The following GPI variants were observed in gnomAD, a reference collection of about 807,000 sequenced individuals.
GPI encodes the protein D-hexose-6-phosphate anomerase.
A neutral mutation model predicts 75.8 loss-of-function variants in GPI; 56 were observed. That is an observed-to-expected ratio of 0.74 (90% CI 0.60 to 0.92). GPI has a LOEUF of 0.92. GPI is among the 40% of genes least tolerant of loss of function. GPI has a pLI of 0.00. For synonymous variants in GPI, 288 were observed against 285.4 expected, an observed-to-expected ratio of 1.01 and a Z score of -0.09; for missense variants, 638 against 741.0, an observed-to-expected ratio of 0.86 and a Z score of 1.61.
At position 34,400,467 on chromosome 19, in the gene GPI, A is replaced by G. The variant is rs2075006489; in HGVS notation, c.*431A>G. On this transcript the variant is annotated 3_prime_UTR_variant, in exon 18 of 18. Transcript: ENST00000356487. ...TGGTGAGCGGGTCTAGAGTGGAGCA[A>G]GGTGCCCTGAGAAGACAATAGTGGG... The G allele has an allele frequency of 1.1e-5, 6 of 549,710 alleles. No individual in the cohort carries two copies. The highest frequency in any genetic ancestry group is 1.9e-5 in the Non-Finnish European group (6 of 314,134). The allele number at this position is 549,710 out of a possible 1,614,324, so 34.1% of individuals were successfully genotyped here. A position where few individuals can be genotyped will look rare whatever the true frequency, so the allele number is the denominator to read the frequency against.
Position 34,368,673 on chromosome 19 carries a change from G to T in GPI, c.373G>T (p.Val125Phe). The change falls in exon 4 of 18, where the codon GTT becomes TTT. Residue 125 changes from valine (V) to phenylalanine (F), a missense_variant. Physicochemically the swap from Val to Phe is conservative, Grantham distance 50. Transcript: ENST00000356487. ...GGATGTGATGCCAGAGGTCAACAAG[G>T]TTCTGGACAAGATGAAGTCTTTCTG... is the stretch of plus-strand genomic sequence containing the variant. ...GKDVMPEVNK[V>F]LDKMKSFCQR... is the part of the protein sequence containing the mutation. 2 of 1,614,200 alleles carry T rather than the reference G, an allele frequency of 1.2e-6. No individual in the cohort carries two copies. The highest frequency in any genetic ancestry group is 1.7e-6 in the Non-Finnish European group (2 of 1,180,034).
intron 9 of GPI, among the ~76,000 whole-genome samples, chr19:34,382,285 C>T (rs1214021259): frequency 6.6e-6 from 1 of 152,196 alleles, no homozygotes; most frequent in Non-Finnish European, 1.5e-5. Flanking sequence ...GTGGTTTTCC[C>T]ACCTGGGGCT....
chr19:34,375,317 AT>A (rs879659233), intron 4 of GPI, among the ~76,000 whole-genome samples: 196 of 143,148 alleles, frequency 1.4e-3, no homozygotes, highest in Admixed American at 1.5e-3. Flanking sequence ...TAATTTTTGT[AT>A]TTTTTTTTTT....
At position 34,399,572 on chromosome 19, in the gene GPI, G is replaced by A. The variant is rs148811525; in HGVS notation, c.1415G>A (p.Arg472His). 8 of 1,613,952 alleles carry A rather than the reference G, an allele frequency of 5.0e-6. No individual in the cohort carries two copies. The highest frequency in any genetic ancestry group is 2.7e-5 in the African/African-American group (2 of 74,900). ...LLPHKVFEGNRPTNSIVFTKL... is the reference protein window; with the variant it reads ...LLPHKVFEGNHPTNSIVFTKL... The stretch of plus-strand genomic sequence containing the variant: ...TTTCTGCAGGTCTTTGAAGGAAATC[G>A]CCCAACCAACTCTATTGTGTTCACC... Residue 472 changes from arginine (R) to histidine (H), a missense_variant, in exon 16 of 18, where the codon CGC becomes CAC. Arg to His is a conservative substitution (Grantham distance 29). Coordinates refer to ENST00000356487, the MANE Select transcript of GPI (RefSeq NM_000175.5).
intron 3 of GPI, among the ~76,000 whole-genome samples, chr19:34,367,846 A>G (rs1209272393): frequency 1.2e-4 from 19 of 152,254 alleles, no homozygotes; most frequent in Non-Finnish European, 2.9e-5. Context: ...AAAACGTGCC[A>G]GCAAACACCA....
At chr19:34,391,022 G>A (rs796457476) in intron 9 of GPI, among the ~76,000 whole-genome samples, 1 of 147,450 alleles carries the variant, frequency 6.8e-6, no homozygotes, top group Non-Finnish European at 1.5e-5. Context: ...ATGAGGATAT[G>A]GGTCTTCCAT....
chr19:34,392,322 T>A (rs991879067), intron 9 of GPI: 1 of 836 alleles, frequency 1.2e-3, no homozygotes, highest in Non-Finnish European at 2.7e-3. Flanking sequence ...GGTGTGAGGA[T>A]CTTCATGTCT....
chr19:34,399,666 A>C (rs1470375025), intron 16 of GPI, 35 bp downstream of exon 16: 2 of 1,613,312 alleles, frequency 1.2e-6, no homozygotes, highest in African/African-American at 2.7e-5. Flanking sequence ...GGCTTGGGGT[A>C]GGTTGGAATG....
intron 4 of GPI, among the ~76,000 whole-genome samples, chr19:34,371,117 G>A (rs1349766899): frequency 1.3e-5 from 2 of 152,260 alleles, no homozygotes; most frequent in African/African-American, 2.4e-5. Flanking sequence ...GGCGAGGATG[G>A]CACTGCACCG....
At chr19:34,392,129 CAGT>C (rs1277978552) in intron 9 of GPI, 55 of 1,678 alleles carry the variant, frequency 0.033, no homozygotes, top group African/African-American at 0.17. Context: ...CTGCATCTGT[CAGT>C]TTCTGAGGAG....
At chr19:34,372,687 A>G (rs147268216) in intron 4 of GPI, among the ~76,000 whole-genome samples, 1 of 152,198 alleles carries the variant, frequency 6.6e-6, no homozygotes. Context: ...TGGCTCTTGT[A>G]TAATCCCAGC....
intron 3 of GPI, among the ~76,000 whole-genome samples, chr19:34,368,244 T>A (rs1367698261): frequency 1.3e-5 from 2 of 152,256 alleles, no homozygotes; most frequent in Non-Finnish European, 2.9e-5. Flanking sequence ...ATTGCTTGTT[T>A]CTGACATGTA....
At chr19:34,380,320 GT>G (rs1328929917) in intron 8 of GPI, among the ~76,000 whole-genome samples, 6 of 151,758 alleles carry the variant, frequency 4.0e-5, no homozygotes, top group Non-Finnish European at 8.8e-5. Flanking sequence ...AGGTCACTCT[GT>G]CACTCAGGCT....
Position 34,393,617 on chromosome 19 carries a change from C to T in GPI, c.866-111C>T, listed in dbSNP as rs1284664374. On this transcript the variant is annotated intron_variant, in intron 10 of 17. Coordinates refer to ENST00000356487, the MANE Select transcript of GPI (RefSeq NM_000175.5). This position sits in a 1 kb window ranked among gnomAD's most constrained non-coding sequence, Gnocchi z 4.4. ...TGTCTAGGTCCGAGTCCTCCCATGT[C>T]GTATCTTCTGGCTCTCCATGCAGCC... The T allele has an allele frequency of 9.5e-6, 10 of 1,054,998 alleles. No homozygotes were observed. The East Asian group carries it at 2.1e-4, about 22-fold the overall frequency. 65.4% of individuals were successfully genotyped at this position (1,054,998 alleles called of 1,614,324 possible).
chr19:34,388,811 G>A (rs1349491536), intron 9 of GPI, among the ~76,000 whole-genome samples: 1 of 152,164 alleles, frequency 6.6e-6, no homozygotes. Flanking sequence ...CTAGAGCTGA[G>A]TCTGGGCTGG....
rs1338382340 is a variant in GPI, at chr19:34,373,250, G to A, written c.403-4253G>A. On this transcript the variant is annotated intron_variant, in intron 4 of 17. Transcript: ENST00000356487. ...AAAATACAAACAAAATTAGCCAGGA[G>A]TAGTGGCAGGCGCCCATAATTCCAG... is the stretch of plus-strand genomic sequence containing the variant. Among the ~76,000 whole-genome samples the A allele has an allele frequency of 1.4e-4, 22 of 152,030 alleles. No homozygotes were observed. In the East Asian group the frequency reaches 3.7e-3, roughly 26 times the overall value.
rs2074898706 is a variant in GPI, at chr19:34,393,594, T to A, written c.866-134T>A. On this transcript the variant is annotated intron_variant, in intron 10 of 17. Coordinates refer to ENST00000356487, the MANE Select transcript of GPI (RefSeq NM_000175.5). The surrounding 1 kb of genome is among the most constrained non-coding windows in gnomAD (Gnocchi z 4.4). Reference sequence around the variant, plus strand: ...GCCACCTCTCACTGGAGGGGCTTTGTCTAGGTCCGAGTCCTCCCATGTCGT... The same window carrying A: ...GCCACCTCTCACTGGAGGGGCTTTGACTAGGTCCGAGTCCTCCCATGTCGT... 3.5e-6 allele frequency: 3 copies of A among 864,140 alleles called. No homozygotes were observed. The highest frequency in any genetic ancestry group is 3.7e-5 in the Admixed American group (2 of 53,494). The allele number at this position is 864,140 out of a possible 1,614,324, so 53.5% of individuals were successfully genotyped here. A position where few individuals can be genotyped will look rare whatever the true frequency, so the allele number is the denominator to read the frequency against.
intron 8 of GPI, among the ~76,000 whole-genome samples, chr19:34,380,340 G>A (rs1339835790): frequency 6.6e-6 from 1 of 152,066 alleles, no homozygotes; most frequent in Non-Finnish European, 1.5e-5. Flanking sequence ...CTAGAGTGCA[G>A]TGGTACGATC....
In GPI at chr19:34,378,944, C is replaced by T. The variant is rs1370179177; in HGVS notation, c.644C>T (p.Thr215Ile). The T allele has an allele frequency of 2.5e-6, 4 of 1,613,990 alleles. No individual in the cohort carries two copies. The highest frequency in any genetic ancestry group is 1.3e-5 in the African/African-American group (1 of 74,928). Residue 215 changes from threonine (T) to isoleucine (I), a missense_variant, in exon 7 of 18, where the codon ACC becomes ATC. Coordinates refer to ENST00000356487, the MANE Select transcript of GPI (RefSeq NM_000175.5). ...LFIIASKTFTTQETITNAETA... is the reference protein window; with the variant it reads ...LFIIASKTFTIQETITNAETA... The stretch of plus-strand genomic sequence containing the variant: ...TCTCTTTGGTTGCAGACCTTTACTA[C>T]CCAGGAGACCATCACGAATGCAGAG...
Sources: gnomAD v4.1 joint callset for allele counts (sites outside exome capture counted in the v4.1 genomes callset) on GRCh38, gnomAD v4.1.1 for gene constraint, Gnocchi (gnomAD v3.1) non-coding constraint, MANE v1.5 for transcripts, NCBI Gene and HGNC (gene_info 2026-07-23, HGNC 2026-07-21) for gene names.